TNNI3K: variants seen among roughly 807,000 people sequenced by gnomAD.
The protein encoded by TNNI3K is serine/threonine-protein kinase TNNI3K.
TNNI3K carries 140 observed loss-of-function variants against 114.5 expected under a neutral mutation model. That is an observed-to-expected ratio of 1.22 (90% CI 1.07 to 1.41). The LOEUF (loss-of-function observed/expected upper bound fraction) is 1.41, where lower values mean the gene tolerates loss of function less well. Among genes scored for constraint, TNNI3K ranks in the 40% most tolerant of loss-of-function variants. The pLI, the probability that TNNI3K is intolerant of heterozygous loss-of-function variation, is 0.00. For missense variants in TNNI3K, 1,125 were observed against 1,007.6 expected (o/e 1.12, Z -1.58); for synonymous variants, 347 against 347.5 (o/e 1.00, Z 0.02).
At chr1:74,498,067 T>G (rs1669423842) in intron 23 of TNNI3K, among the ~76,000 whole-genome samples, 1 of 152,170 alleles carries the variant, frequency 6.6e-6, no homozygotes, top group Admixed American at 6.5e-5. Flanking sequence ...ACCAGAATGT[T>G]GAGGTTTCTC....
intron 17 of TNNI3K, among the ~76,000 whole-genome samples, chr1:74,424,049 T>G (rs1557557431): frequency 6.9e-6 from 1 of 144,438 alleles, no homozygotes; most frequent in Non-Finnish European, 1.5e-5. Context: ...GAGTAATACC[T>G]AAAAAGCATA....
intron 20 of TNNI3K, among the ~76,000 whole-genome samples, chr1:74,456,825 T>G (rs922369563): frequency 6.6e-6 from 1 of 152,188 alleles, no homozygotes; most frequent in African/African-American, 2.4e-5. Flanking sequence ...ATTGAGACTT[T>G]AACTCAGAGT....
intron 17 of TNNI3K, among the ~76,000 whole-genome samples, chr1:74,409,438 TA>T (rs1664774910): frequency 6.6e-6 from 1 of 152,080 alleles, no homozygotes; most frequent in Non-Finnish European, 1.5e-5. Flanking sequence ...CCATGCATAA[TA>T]CTTTGAACTG....
At chr1:74,334,307 T>C (rs577528061) in intron 6 of TNNI3K, among the ~76,000 whole-genome samples, 66 of 152,318 alleles carry the variant, frequency 4.3e-4, no homozygotes, top group African/African-American at 1.5e-3. Flanking sequence ...TTCTCTCAAA[T>C]GTCTACCACA....
rs1004336864 is a variant in TNNI3K, at chr1:74,391,966, T to A, written c.1772+21574T>A. ...GATGGTACAGCTTATTATTTTTTTT[T>A]TTTTTTTTTTTTTTTTTGAGACGGA... is the stretch of plus-strand genomic sequence containing the variant. On this transcript the variant is annotated intron_variant, in intron 17 of 24. Coordinates refer to ENST00000326637, the MANE Select transcript of TNNI3K (RefSeq NM_015978.3). 1.2e-3 allele frequency among the ~76,000 whole-genome samples: 156 copies of A among 134,912 alleles called. 2 individuals are homozygous for A. The highest frequency in any genetic ancestry group is 4.0e-3 in the African/African-American group (134 of 33,544). The allele number at this position is 134,912 out of a possible 152,430, so 88.5% of individuals were successfully genotyped here.
intron 21 of TNNI3K, chr1:74,471,614 G>T: frequency 2.5e-6 from 1 of 400,652 alleles, no homozygotes; most frequent in Non-Finnish European, 4.4e-6. Context: ...TTAGTCAGTT[G>T]GTTACTTTGA....
intron 5 of TNNI3K, among the ~76,000 whole-genome samples, chr1:74,306,382 T>C (rs1418988613): frequency 6.6e-6 from 1 of 152,222 alleles, no homozygotes; most frequent in Non-Finnish European, 1.5e-5. Flanking sequence ...TATTTTCTTT[T>C]GAGTAGATAC....
chr1:74,525,047 A>G (rs1261253810), intron 23 of TNNI3K, among the ~76,000 whole-genome samples: 1 of 152,218 alleles, frequency 6.6e-6, no homozygotes, highest in Non-Finnish European at 1.5e-5. Context: ...CACTGGGGAA[A>G]GAGACAAAGA....
chr1:74,479,941 C>A (rs934458124), intron 21 of TNNI3K, among the ~76,000 whole-genome samples: 1 of 152,218 alleles, frequency 6.6e-6, no homozygotes, highest in Non-Finnish European at 1.5e-5. Context: ...GAATTCTGGT[C>A]CAGGGCCCTT....
chr1:74,286,327 A>G (rs1027284931), intron 5 of TNNI3K, among the ~76,000 whole-genome samples: 2 of 151,902 alleles, frequency 1.3e-5, no homozygotes, highest in Non-Finnish European at 2.9e-5. Context: ...TCGCTGCCAA[A>G]CTAGCCCCTG....
In TNNI3K at chr1:74,323,797, A is replaced by G. The variant is rs192115326; in HGVS notation, c.445-7653A>G. Reference sequence around the variant, plus strand: ...CTAAGCATTGTGCTAAGTGCTTTACATGTATTAATTAATACAAAAGAATTA... The same window carrying G: ...CTAAGCATTGTGCTAAGTGCTTTACGTGTATTAATTAATACAAAAGAATTA... On this transcript the variant is annotated intron_variant, in intron 5 of 24. Transcript: ENST00000326637. Among the ~76,000 whole-genome samples the G allele has an allele frequency of 2.9e-3, 449 of 152,342 alleles. 5 individuals carry two copies. The highest frequency in any genetic ancestry group is 0.01 in the African/African-American group (430 of 41,588).
intron 2 of TNNI3K, among the ~76,000 whole-genome samples, chr1:74,243,739 C>T (rs1025745176): frequency 2.6e-5 from 4 of 152,020 alleles, no homozygotes; most frequent in African/African-American, 9.7e-5. Context: ...CCTTTGGGTA[C>T]AGAACTATCA....
chr1:74,321,985 A>C (rs958255946), intron 5 of TNNI3K, among the ~76,000 whole-genome samples: 2 of 152,110 alleles, frequency 1.3e-5, no homozygotes, highest in African/African-American at 4.8e-5. Context: ...TAAATATATA[A>C]ATTAAAAATA....
intron 5 of TNNI3K, among the ~76,000 whole-genome samples, chr1:74,310,849 G>A (rs887705456): frequency 6.6e-6 from 1 of 152,052 alleles, no homozygotes; most frequent in Non-Finnish European, 1.5e-5. Context: ...TTATAACTAT[G>A]TCTTCTATCT....
chr1:74,425,103 A>C (rs1250770484), intron 17 of TNNI3K, among the ~76,000 whole-genome samples: 1 of 152,076 alleles, frequency 6.6e-6, no homozygotes, highest in Non-Finnish European at 1.5e-5. Context: ...TTGGTCAGGA[A>C]GGGCATAAGG....
chr1:74,485,511 C>G (rs1301466366), intron 21 of TNNI3K, among the ~76,000 whole-genome samples: 2 of 152,202 alleles, frequency 1.3e-5, no homozygotes, highest in Non-Finnish European at 2.9e-5. Flanking sequence ...CTAACATGAC[C>G]TGCAAGATTC....
In TNNI3K at chr1:74,271,633, TGGAGC is replaced by T. The variant is rs761357894; in HGVS notation, c.370_374del (p.Gly124Ter). On this transcript the variant is annotated frameshift_variant, in exon 5 of 25. Transcript: ENST00000326637. LOFTEE classifies it high-confidence loss of function. ...AATTGATCACTTCTCTGCTTCACAG[TGGAGC>T]TGATATACAGCAGGTTGGATACGGT... 1.2e-6 allele frequency: 2 copies of T among 1,608,862 alleles called. No individual in the cohort carries two copies. The highest frequency in any genetic ancestry group is 1.7e-6 in the Non-Finnish European group (2 of 1,177,018).
chr1:74,385,065 A>G (rs1663404259), intron 17 of TNNI3K, among the ~76,000 whole-genome samples: 1 of 152,074 alleles, frequency 6.6e-6, no homozygotes. Context: ...AATTATCTCA[A>G]TTATGGGTTC....
intron 5 of TNNI3K, among the ~76,000 whole-genome samples, chr1:74,314,396 A>C (rs907574305): frequency 2.0e-5 from 3 of 152,076 alleles, no homozygotes; most frequent in African/African-American, 7.2e-5. Flanking sequence ...TATTTACAAC[A>C]AATAAAGTCG....
Sources: gnomAD v4.1 joint callset for allele counts (sites outside exome capture counted in the v4.1 genomes callset) on GRCh38, gnomAD v4.1.1 for gene constraint, MANE v1.5 for transcripts, NCBI Gene and HGNC (gene_info 2026-07-23, HGNC 2026-07-21) for gene names.